Variants in SGK1 observed in about 807,000 individuals in gnomAD.
SGK1 encodes the protein serine/threonine-protein kinase Sgk1.
In SGK1, 26 loss-of-function variants were observed where a neutral mutation model predicts 64.2. The observed-to-expected ratio is 0.40, with a 90% confidence interval of 0.30 to 0.56. SGK1 has a LOEUF of 0.56. SGK1 is among the 20% of genes least tolerant of loss of function. The pLI is 0.38. For missense variants in SGK1, 519 were observed against 645.6 expected (o/e 0.80, Z 2.12); for synonymous variants, 265 against 239.7 (o/e 1.11, Z -0.98).
In SGK1 at chr6:134,213,628, AAATAAATAAATAAAT is replaced by A. The variant is rs1338964154; in HGVS notation, c.286-6212_286-6198del. Among the ~76,000 whole-genome samples the A allele has an allele frequency of 9.0e-4, 109 of 121,020 alleles. 1 individual carries two copies. The highest frequency in any genetic ancestry group is 3.5e-3 in the African/African-American group (104 of 29,422). 79.4% of individuals were successfully genotyped at this position (121,020 alleles called of 152,430 possible). A position where few individuals can be genotyped will look rare whatever the true frequency, so the allele number is the denominator to read the frequency against. On this transcript the variant is annotated intron_variant, in intron 2 of 13. Transcript: ENST00000367858. ...AAACTCTGTCTCAAAATAAATAAATAAATAAATAAATAAATAATAAATAAATAAAATGTCCTCATG... is the reference window on the plus strand; with the variant it reads ...AAACTCTGTCTCAAAATAAATAAATAAATAAATAAATAAAATGTCCTCATG...
intron 3 of SGK1, among the ~76,000 whole-genome samples, chr6:134,206,739 T>TGC (rs1775792726): frequency 1.3e-5 from 2 of 151,044 alleles, no homozygotes; most frequent in Non-Finnish European, 2.9e-5. Context: ...TGGTGGCTCA[T>TGC]GCCTGTAGTC....
intron 1 of SGK1, among the ~76,000 whole-genome samples, chr6:134,306,803 G>T (rs146594033): frequency 6.7e-6 from 1 of 150,370 alleles, no homozygotes; most frequent in East Asian, 2.0e-4. Context: ...CACTGAGCTC[G>T]ACCTGGAAGC....
intron 1 of SGK1, among the ~76,000 whole-genome samples, chr6:134,274,209 T>C (rs1776985539): frequency 6.6e-6 from 1 of 152,154 alleles, no homozygotes; most frequent in African/African-American, 2.4e-5. Context: ...TTCACCATGT[T>C]ATCCAGGCTG....
At chr6:134,283,501 C>A (rs577844441) in intron 1 of SGK1, among the ~76,000 whole-genome samples, 3 of 149,962 alleles carry the variant, frequency 2.0e-5, no homozygotes, top group South Asian at 2.1e-4. Flanking sequence ...AAAAAAAAAA[C>A]AAACATAAAT....
At chr6:134,276,180 C>T (rs1582758240) in intron 1 of SGK1, among the ~76,000 whole-genome samples, 1 of 152,144 alleles carries the variant, frequency 6.6e-6, no homozygotes, top group East Asian at 1.9e-4. Context: ...ACAGGCAATG[C>T]TGAAGAAATG....
intron 1 of SGK1, among the ~76,000 whole-genome samples, chr6:134,268,399 C>T (rs899549876): frequency 1.3e-5 from 2 of 152,076 alleles, no homozygotes; most frequent in African/African-American, 4.8e-5. Flanking sequence ...CAAACATAGA[C>T]GGGGTGAGAC....
rs191520461 is a variant in SGK1 at position 134,207,167 on chromosome 6, A to G, written c.361+189T>C. Reference sequence around the variant, plus strand: ...CGTGAACCTGGGAGGCGGAGCTTGCAGTGAGCTGAGATTGCGCCACTGCCC... The same window carrying G: ...CGTGAACCTGGGAGGCGGAGCTTGCGGTGAGCTGAGATTGCGCCACTGCCC... On this transcript the variant is annotated intron_variant, in intron 3 of 13. Coordinates refer to ENST00000367858, the MANE Select transcript of SGK1 (RefSeq NM_001143676.3). Among the ~76,000 whole-genome samples, 235 of 152,268 alleles carry G rather than the reference A, an allele frequency of 1.5e-3. 1 individual carries two copies. The highest frequency in any genetic ancestry group is 5.2e-3 in the African/African-American group (218 of 41,578).
chr6:134,306,503 TG>T lies in SGK1; in HGVS notation c.69+10888del, dbSNP rs199718974. 4.5e-3 allele frequency among the ~76,000 whole-genome samples: 685 copies of T among 151,948 alleles called. 5 individuals carry two copies. Among genetic ancestry groups the T allele is most frequent in the Middle Eastern group, 0.014 (4 of 294 alleles). ...AATCCAAGTTTCTGGGGAAGGGAGTTGGGGAGTGAAGGAAGCTTGTGATTTC... is the reference window on the plus strand; with the variant it reads ...AATCCAAGTTTCTGGGGAAGGGAGTTGGGAGTGAAGGAAGCTTGTGATTTC... On this transcript the variant is annotated intron_variant, in intron 1 of 13. Transcript: ENST00000367858.
chr6:134,246,908 AT>A (rs776286595), intron 2 of SGK1, among the ~76,000 whole-genome samples: 4 of 152,184 alleles, frequency 2.6e-5, no homozygotes, highest in Non-Finnish European at 5.9e-5. Context: ...CATTTTATAA[AT>A]GGGAAACTTA....
At chr6:134,241,694 C>T (rs566625211) in intron 2 of SGK1, among the ~76,000 whole-genome samples, 7 of 152,194 alleles carry the variant, frequency 4.6e-5, no homozygotes, top group African/African-American at 7.2e-5. Flanking sequence ...AATCTCGGCT[C>T]GCTGCAAGCT....
At chr6:134,231,704 A>G (rs1562259418) in intron 2 of SGK1, among the ~76,000 whole-genome samples, 1 of 152,210 alleles carries the variant, frequency 6.6e-6, no homozygotes, top group Non-Finnish European at 1.5e-5. Flanking sequence ...TGAGTAAAGT[A>G]TGGCATATCC....
At chr6:134,186,332 C>T (rs148270400) in intron 3 of SGK1, among the ~76,000 whole-genome samples, 1 of 152,256 alleles carries the variant, frequency 6.6e-6, no homozygotes, top group African/African-American at 2.4e-5. Flanking sequence ...TATCCCATAA[C>T]TTAAATACTA....
intron 2 of SGK1, among the ~76,000 whole-genome samples, chr6:134,259,027 T>A (rs886785925): frequency 2.0e-5 from 3 of 152,200 alleles, no homozygotes; most frequent in African/African-American, 7.2e-5. Flanking sequence ...TCATTTTGAT[T>A]TGTGATAACC....
intron 10 of SGK1, chr6:134,171,949 C>T: frequency 1.6e-6 from 1 of 627,090 alleles, no homozygotes; most frequent in East Asian, 2.7e-5. Context: ...ATATCTCTTA[C>T]TTAGGGATTT....
intron 2 of SGK1, among the ~76,000 whole-genome samples, chr6:134,210,267 T>C (rs117528119): frequency 0.013 from 1,979 of 152,276 alleles, 26 homozygotes; most frequent in Non-Finnish European, 0.019. Context: ...TGGATGAAAC[T>C]GGAAGATGTT....
rs985324530 is a variant in SGK1 at position 134,293,521 on chromosome 6, A to G, written c.69+23871T>C. 3.3e-5 allele frequency among the ~76,000 whole-genome samples: 5 copies of G among 152,302 alleles called. No homozygotes were observed. The South Asian group carries it at 1.0e-3, about 32-fold the overall frequency. ...TAAAACTTTGATATCAAACCTTTAA[A>G]CCTCAAGATTTGATAATATTTACTT... On this transcript the variant is annotated intron_variant, in intron 1 of 13. Transcript: ENST00000367858.
Position 134,169,276 on chromosome 6 carries a change from C to A in SGK1, c.*992G>T, listed in dbSNP as rs986913489. The A allele has an allele frequency of 1.2e-4, 19 of 152,538 alleles. No individual in the cohort carries two copies. Among genetic ancestry groups the A allele is most frequent in the Admixed American group, 5.9e-4 (9 of 15,276 alleles). 9.4% of individuals were successfully genotyped at this position (152,538 alleles called of 1,614,324 possible). A position where few individuals can be genotyped will look rare whatever the true frequency, so the allele number is the denominator to read the frequency against. On this transcript the variant is annotated 3_prime_UTR_variant, in exon 14 of 14. Coordinates refer to ENST00000367858, the MANE Select transcript of SGK1 (RefSeq NM_001143676.3). The stretch of plus-strand genomic sequence containing the variant: ...GTAAATATTTTTCAAGGTTTTATTG[C>A]AAACCAAAATCAGTTTATCACACAC...
intron 1 of SGK1, among the ~76,000 whole-genome samples, chr6:134,294,599 A>G (rs904457953): frequency 1.3e-5 from 2 of 152,174 alleles, no homozygotes; most frequent in African/African-American, 2.4e-5. Flanking sequence ...CAATGGCATT[A>G]TCTCGGCTCA....
intron 1 of SGK1, among the ~76,000 whole-genome samples, chr6:134,291,486 A>C (rs994546406): frequency 2.0e-5 from 3 of 152,218 alleles, no homozygotes; most frequent in Non-Finnish European, 4.4e-5. Context: ...TTGGCATGAT[A>C]ATAAAGCCTT....
Sources: gnomAD v4.1 joint callset for allele counts (sites outside exome capture counted in the v4.1 genomes callset) on GRCh38, gnomAD v4.1.1 for gene constraint, MANE v1.5 for transcripts, NCBI Gene and HGNC (gene_info 2026-07-23, HGNC 2026-07-21) for gene names.